The following NPHP1 variants were observed in gnomAD, a reference collection of about 807,000 sequenced individuals.
The protein encoded by NPHP1 is nephrocystin 1, also known as nephrocystin-1.
Under a neutral mutation model 90.4 loss-of-function variants are expected in NPHP1, and 70 were observed. The ratio of observed to expected loss-of-function variants is 0.77; its 90% confidence interval spans 0.64 to 0.95. The LOEUF (loss-of-function observed/expected upper bound fraction) is 0.95, where lower values mean the gene tolerates loss of function less well. Among genes scored for constraint, NPHP1 ranks in the 40% least tolerant of loss-of-function variants. The probability of loss-of-function intolerance (pLI) is 0.00; values close to 1 mark genes in which losing one functional copy is unlikely to be tolerated. For synonymous variants in NPHP1, 256 were observed against 271.7 expected, an observed-to-expected ratio of 0.94 and a Z score of 0.57; for missense variants, 764 against 795.9, an observed-to-expected ratio of 0.96 and a Z score of 0.48.
At chr2:110,196,224 A>C (rs1216544988) in intron 2 of NPHP1, among the ~76,000 whole-genome samples, 2 of 152,096 alleles carry the variant, frequency 1.3e-5, no homozygotes, top group East Asian at 3.9e-4. Flanking sequence ...GGCAACCTAC[A>C]GAATGGGAGA....
intron 2 of NPHP1, among the ~76,000 whole-genome samples, chr2:110,195,870 C>A (rs1685130246): frequency 6.6e-6 from 1 of 152,082 alleles, no homozygotes; most frequent in Non-Finnish European, 1.5e-5. Flanking sequence ...ACTATCTGAT[C>A]TTTGACAAAC....
chr2:110,170,938 C>T (rs979050327), intron 4 of NPHP1, among the ~76,000 whole-genome samples: 1 of 151,988 alleles, frequency 6.6e-6, no homozygotes, highest in Non-Finnish European at 1.5e-5. Flanking sequence ...AAAAGAGGTA[C>T]GCGGAATGTA....
chr2:110,157,639 C>T (rs939310595), intron 11 of NPHP1, among the ~76,000 whole-genome samples: 3 of 152,030 alleles, frequency 2.0e-5, no homozygotes, highest in Non-Finnish European at 4.4e-5. Flanking sequence ...CTATACCCCA[C>T]TCCTCCTCTC....
At chr2:110,177,211 T>C (rs539067799) in intron 4 of NPHP1, among the ~76,000 whole-genome samples, 16 of 152,220 alleles carry the variant, frequency 1.1e-4, no homozygotes, top group African/African-American at 3.9e-4. Context: ...GTATATTTTG[T>C]CCAGACTTTA....
Position 110,131,734 on chromosome 2 carries a change from A to G in NPHP1, c.1587T>C (p.Tyr529=), listed in dbSNP as rs398123286. The G allele has an allele frequency of 6.2e-7, 1 of 1,613,536 alleles. No homozygotes were observed. The highest frequency in any genetic ancestry group is 2.2e-5 in the East Asian group (1 of 44,852). ...GGAGCACATCTCCAAGAATTTGTCG[A>G]TAAAATATCAACAAGTGAATAGAAC... ...NMCSIHLLIF[Y]RQILGDVLLK... is the part of the protein sequence containing the mutation. The change falls in exon 17 of 20, where the codon TAT becomes TAC. Residue 529 remains tyrosine (Y), a synonymous_variant. Coordinates refer to ENST00000445609, the MANE Select transcript of NPHP1 (RefSeq NM_001128178.3).
chr2:110,144,365 C>A, intron 15 of NPHP1, 128 bp downstream of exon 15: 1 of 666,474 alleles, frequency 1.5e-6, no homozygotes, highest in South Asian at 1.8e-5. Flanking sequence ...ATTTTTATAT[C>A]AAATGACATA....
intron 10 of NPHP1, among the ~76,000 whole-genome samples, chr2:110,160,997 C>A (rs1236133913): frequency 6.6e-6 from 1 of 151,988 alleles, no homozygotes; most frequent in African/African-American, 2.4e-5. Context: ...AAAACCCCAT[C>A]TTTACAAAAA....
intron 2 of NPHP1, among the ~76,000 whole-genome samples, chr2:110,190,861 A>C (rs6717760): frequency 0.3 from 44,903 of 152,086 alleles, 7,448 homozygotes; most frequent in East Asian, 0.56. Context: ...AAGCAAATTT[A>C]TAAGAAAAAA....
chr2:110,182,420 G>C (rs1437379517), intron 2 of NPHP1, among the ~76,000 whole-genome samples: 1 of 151,406 alleles, frequency 6.6e-6, no homozygotes, highest in Non-Finnish European at 1.5e-5. Flanking sequence ...AAGCTCATCA[G>C]ACTAACAGCA....
At chr2:110,158,741 C>T (rs554212789) in intron 11 of NPHP1, among the ~76,000 whole-genome samples, 1 of 151,806 alleles carries the variant, frequency 6.6e-6, no homozygotes, top group South Asian at 2.1e-4. Flanking sequence ...TCTTTTTATA[C>T]TTCTAGTGGT....
chr2:110,129,091 T>C, intron 18 of NPHP1, 95 bp downstream of exon 18: 2 of 812,034 alleles, frequency 2.5e-6, no homozygotes, highest in Non-Finnish European at 2.1e-6. Flanking sequence ...ATCATCCTAG[T>C]AACAAAAAAA....
chr2:110,125,118 A>T, intron 19 of NPHP1: 1 of 1,396,286 alleles, frequency 7.2e-7, no homozygotes, highest in Non-Finnish European at 9.5e-7. Flanking sequence ...CTGAAAAGCC[A>T]AGAAGATTTT....
At chr2:110,156,488 C>G (rs1681896918) in intron 11 of NPHP1, among the ~76,000 whole-genome samples, 1 of 151,632 alleles carries the variant, frequency 6.6e-6, no homozygotes, top group Admixed American at 6.6e-5. Context: ...CAAACTAATA[C>G]AGGAAGATAG....
chr2:110,176,332 C>T (rs1314012359), intron 4 of NPHP1, among the ~76,000 whole-genome samples: 1 of 151,956 alleles, frequency 6.6e-6, no homozygotes. Flanking sequence ...GAATTAAATA[C>T]ACCCATTTCC....
At chr2:110,157,390 G>C (rs1446366751) in intron 11 of NPHP1, among the ~76,000 whole-genome samples, 1 of 152,020 alleles carries the variant, frequency 6.6e-6, no homozygotes, top group African/African-American at 2.4e-5. Context: ...GTGATTTTGT[G>C]CAGAATGTAT....
intron 2 of NPHP1, chr2:110,184,207 C>A: frequency 3.5e-6 from 2 of 566,860 alleles, no homozygotes; most frequent in Non-Finnish European, 7.0e-6. Flanking sequence ...ATGGCAGGAG[C>A]CCTTGAAGGT....
chr2:110,194,397 GA>G (rs1284129238), intron 2 of NPHP1, among the ~76,000 whole-genome samples: 1 of 152,108 alleles, frequency 6.6e-6, no homozygotes, highest in Non-Finnish European at 1.5e-5. Context: ...AAATAAACTA[GA>G]AAATCTAGAA....
intron 2 of NPHP1, among the ~76,000 whole-genome samples, chr2:110,183,534 G>GT (rs1360085745): frequency 6.6e-6 from 1 of 152,120 alleles, no homozygotes; most frequent in African/African-American, 2.4e-5. Flanking sequence ...TCTGAAAGCT[G>GT]TGAGACCCCT....
At chr2:110,190,003 G>A (rs183551945) in intron 2 of NPHP1, among the ~76,000 whole-genome samples, 2 of 152,304 alleles carry the variant, frequency 1.3e-5, no homozygotes, top group East Asian at 3.9e-4. Flanking sequence ...TAGATACAGA[G>A]TGTCAATTGG....
Sources: gnomAD v4.1 joint callset for allele counts (sites outside exome capture counted in the v4.1 genomes callset) on GRCh38, gnomAD v4.1.1 for gene constraint, MANE v1.5 for transcripts, NCBI Gene and HGNC (gene_info 2026-07-23, HGNC 2026-07-21) for gene names.